CCDC192: variants seen among roughly 807,000 people sequenced by gnomAD.
The protein encoded by CCDC192 is coiled-coil domain containing 192.
At chr5:127,730,712 C>T (rs1343894583) in intron 2 of CCDC192, among the ~76,000 whole-genome samples, 13 of 152,276 alleles carry the variant, frequency 8.5e-5, no homozygotes, top group Admixed American at 7.2e-4. Flanking sequence ...CCTGGTTCAA[C>T]ATATGCAAAT....
At chr5:127,815,382 T>C (rs1261509258) in intron 5 of CCDC192, among the ~76,000 whole-genome samples, 2 of 152,168 alleles carry the variant, frequency 1.3e-5, no homozygotes, top group Admixed American at 1.3e-4. Context: ...TCAAAGAGAC[T>C]GAAAACCTGG....
At chr5:127,730,353 C>G (rs1752573973) in intron 2 of CCDC192, among the ~76,000 whole-genome samples, 1 of 152,122 alleles carries the variant, frequency 6.6e-6, no homozygotes, top group Non-Finnish European at 1.5e-5. Context: ...AGACCAATTA[C>G]AAGTTCTGAA....
chr5:127,934,827 A>C (rs1016422574), intron 6 of CCDC192, among the ~76,000 whole-genome samples: 10 of 152,216 alleles, frequency 6.6e-5, no homozygotes, highest in Admixed American at 4.6e-4. Context: ...TGCAAGTCCA[A>C]GTATGGCAAG....
chr5:127,797,464 A>G (rs1393535791), intron 4 of CCDC192, among the ~76,000 whole-genome samples: 1 of 152,000 alleles, frequency 6.6e-6, no homozygotes, highest in Non-Finnish European at 1.5e-5. Context: ...TAACCCTTTG[A>G]ATAACATTAG....
chr5:127,858,382 T>C (rs141487078), intron 5 of CCDC192, among the ~76,000 whole-genome samples: 1 of 152,340 alleles, frequency 6.6e-6, no homozygotes, highest in East Asian at 1.9e-4. Flanking sequence ...CTTTTCTCCC[T>C]GCATTACCTA....
Position 127,843,672 on chromosome 5 carries a change from A to G in CCDC192, c.412-31866A>G, listed in dbSNP as rs368496930. 3.3e-5 allele frequency among the ~76,000 whole-genome samples: 5 copies of G among 152,114 alleles called. No homozygotes were observed. In the East Asian group the frequency reaches 7.7e-4, roughly 24 times the overall value. ...GGGCTGGTCTCGAACTCCTGACCTC[A>G]GGTGATCCGCCTGCCTGGCCCTCCC... On this transcript the variant is annotated intron_variant, in intron 5 of 6. Transcript: ENST00000514853.
chr5:127,901,287 T>A (rs1753032199), intron 6 of CCDC192, among the ~76,000 whole-genome samples: 1 of 152,176 alleles, frequency 6.6e-6, no homozygotes, highest in Non-Finnish European at 1.5e-5. Context: ...CTTAAAAAAA[T>A]TATTCCTAAA....
At chr5:127,769,494 G>C (rs1755427461) in intron 3 of CCDC192, among the ~76,000 whole-genome samples, 1 of 151,904 alleles carries the variant, frequency 6.6e-6, no homozygotes, top group Non-Finnish European at 1.5e-5. Context: ...TATGTGATTG[G>C]CATTTAAACT....
At chr5:127,866,932 G>C (rs867101111) in intron 5 of CCDC192, among the ~76,000 whole-genome samples, 5 of 152,102 alleles carry the variant, frequency 3.3e-5, no homozygotes, top group African/African-American at 1.2e-4. Flanking sequence ...ATTTCATGCT[G>C]TTATAAGCAT....
chr5:127,778,498 T>C (rs1365671832), intron 3 of CCDC192, among the ~76,000 whole-genome samples: 2 of 152,216 alleles, frequency 1.3e-5, no homozygotes, highest in East Asian at 1.9e-4. Context: ...TTTACTGTGC[T>C]GTTGGATCCA....
chr5:127,749,791 T>G (rs1036756948), intron 2 of CCDC192, among the ~76,000 whole-genome samples: 15 of 152,270 alleles, frequency 9.9e-5, no homozygotes, highest in Admixed American at 6.5e-4. Flanking sequence ...CAATTTGAGA[T>G]CCTGTTATTG....
intron 5 of CCDC192, among the ~76,000 whole-genome samples, chr5:127,801,585 C>T (rs1757509846): frequency 6.6e-6 from 1 of 152,150 alleles, no homozygotes; most frequent in South Asian, 2.1e-4. Context: ...ACAGTATTCT[C>T]TTAAACTGGA....
chr5:127,707,327 GA>G (rs1488912816), intron 1 of CCDC192, among the ~76,000 whole-genome samples: 3 of 151,394 alleles, frequency 2.0e-5, no homozygotes, highest in Admixed American at 6.6e-5. Context: ...AGAGAAGAGA[GA>G]GGGAGAGAGA....
At chr5:127,732,595 A>G (rs2126819155) in intron 2 of CCDC192, among the ~76,000 whole-genome samples, 1 of 152,360 alleles carries the variant, frequency 6.6e-6, no homozygotes, top group Middle Eastern at 3.4e-3. Context: ...AATTAACCCA[A>G]ATGTCCATCA....
At chr5:127,724,328 A>G (rs1184855078) in intron 2 of CCDC192, among the ~76,000 whole-genome samples, 5 of 152,228 alleles carry the variant, frequency 3.3e-5, no homozygotes, top group Admixed American at 3.3e-4. Context: ...TCCTTACAAT[A>G]GAAACATCTA....
At chr5:127,720,221 G>A (rs974481604) in intron 2 of CCDC192, among the ~76,000 whole-genome samples, 1 of 152,150 alleles carries the variant, frequency 6.6e-6, no homozygotes, top group Non-Finnish European at 1.5e-5. Context: ...TACAATGGGG[G>A]TACTGGCATT....
Position 127,817,853 on chromosome 5 carries a change from T to C in CCDC192, c.411+19691T>C, listed in dbSNP as rs561565393. Among the ~76,000 whole-genome samples, 242 of 152,316 alleles carry C rather than the reference T, an allele frequency of 1.6e-3. No individual in the cohort carries two copies. In the Middle Eastern group the frequency reaches 0.031, roughly 19 times the overall value. On this transcript the variant is annotated intron_variant, in intron 5 of 6. Coordinates refer to ENST00000514853, the MANE Select transcript of CCDC192 (RefSeq NM_001317938.2). Reference sequence around the variant, plus strand: ...ATCTAGGATGAGGGCTGGAAACATGTATTTTTATTTGGATGCAGCTGATCT... The same window carrying C: ...ATCTAGGATGAGGGCTGGAAACATGCATTTTTATTTGGATGCAGCTGATCT...
rs1050984251 is a variant in CCDC192, at chr5:127,735,844, T to C, written c.115-18424T>C. 5.2e-5 allele frequency among the ~76,000 whole-genome samples: 7 copies of C among 135,514 alleles called. 1 individual carries two copies. The highest frequency in any genetic ancestry group is 2.2e-4 in the African/African-American group (7 of 32,522). The allele number at this position is 135,514 out of a possible 152,430, so 88.9% of individuals were successfully genotyped here. A position where few individuals can be genotyped will look rare whatever the true frequency, so the allele number is the denominator to read the frequency against. On this transcript the variant is annotated intron_variant, in intron 2 of 6. Coordinates refer to ENST00000514853, the MANE Select transcript of CCDC192 (RefSeq NM_001317938.2). ...AGATTTTGGGCTGAGACAATGGGGT[T>C]TTCTAGATATACAATCATGTCTTCT...
chr5:127,844,374 A>G (rs924090599), intron 5 of CCDC192, among the ~76,000 whole-genome samples: 3 of 152,262 alleles, frequency 2.0e-5, no homozygotes, highest in Admixed American at 2.0e-4. Flanking sequence ...GTTGAAAGAT[A>G]TTGTGATGGG....
Sources: allele counts gnomAD v4.1 joint callset (sites outside exome capture counted in the v4.1 genomes callset), GRCh38; gene constraint gnomAD v4.1.1; transcripts MANE v1.5; gene names NCBI Gene and HGNC (gene_info 2026-07-23, HGNC 2026-07-21).